The following SATB2 variants were observed in gnomAD, a reference collection of about 807,000 sequenced individuals.
SATB2 encodes the protein SATB homeobox 2.
In SATB2, 1 loss-of-function variant was observed where a neutral mutation model predicts 73.4. The ratio of observed to expected loss-of-function variants is 0.01; its 90% CI spans 0.00 to 0.06. The LOEUF is 0.06. SATB2 is among the 10% of genes least tolerant of loss of function. The pLI is 1.00. For missense variants in SATB2, 459 were observed against 945.8 expected (o/e 0.49, Z 6.75); for synonymous variants, 397 against 367.0 (o/e 1.08, Z -0.93).
chr2:199,379,677 CTTTTCTTTT>C (rs1689708710), intron 5 of SATB2, among the ~76,000 whole-genome samples: 1 of 96,460 alleles, frequency 1.0e-5, no homozygotes, highest in African/African-American at 3.4e-5. Flanking sequence ...ATTTTCTTTT[CTTTTCTTTT>C]TTTTTTTTTT....
At chr2:199,380,227 T>A (rs1258959993) in intron 5 of SATB2, 137 bp downstream of exon 5, 1 of 1,152,752 alleles carries the variant, frequency 8.7e-7, no homozygotes. Context: ...AGCAACATAA[T>A]CTTTTACACC....
intron 3 of SATB2, among the ~76,000 whole-genome samples, chr2:199,416,075 C>T (rs1055951685): frequency 6.6e-6 from 1 of 152,202 alleles, no homozygotes; most frequent in South Asian, 2.1e-4. Flanking sequence ...CTACTGGACC[C>T]AAGACTCAGC....
At chr2:199,276,373 GTTT>G (rs1222009074) in intron 10 of SATB2, among the ~76,000 whole-genome samples, 1 of 152,058 alleles carries the variant, frequency 6.6e-6, no homozygotes, top group East Asian at 1.9e-4. Flanking sequence ...GTTTTGTTTT[GTTT>G]TTTGTCTGAA....
chr2:199,373,978 C>T (rs933283383), intron 5 of SATB2, among the ~76,000 whole-genome samples: 2 of 152,204 alleles, frequency 1.3e-5, no homozygotes, highest in African/African-American at 4.8e-5. Flanking sequence ...ATATGATGAG[C>T]ACATGCTCAA....
At chr2:199,351,029 C>CA (rs35503848) in intron 6 of SATB2, among the ~76,000 whole-genome samples, 19,448 of 71,150 alleles carry the variant, frequency 0.27, 1,979 homozygotes, top group East Asian at 0.55. Flanking sequence ...ACTCTGTCTC[C>CA]AAAAAAAAAA....
chr2:199,461,004 A>G (rs1692462678), upstream of SATB2, among the ~76,000 whole-genome samples: 1 of 152,248 alleles, frequency 6.6e-6, no homozygotes, highest in Non-Finnish European at 1.5e-5. Flanking sequence ...CTGATACTGA[A>G]AAAAATCTAT....
intron 3 of SATB2, among the ~76,000 whole-genome samples, chr2:199,408,057 G>T (rs987939675): frequency 3.3e-5 from 5 of 152,114 alleles, no homozygotes; most frequent in African/African-American, 1.2e-4. Flanking sequence ...GACCTGACAG[G>T]GTAGTTCCAT....
At chr2:199,452,673 G>A (rs550017702) in intron 2 of SATB2, among the ~76,000 whole-genome samples, 1 of 152,188 alleles carries the variant, frequency 6.6e-6, no homozygotes, top group African/African-American at 2.4e-5. Context: ...GTAAGTGAAT[G>A]TTACCCAGCA....
chr2:199,422,924 A>T (rs1341705760), intron 3 of SATB2, among the ~76,000 whole-genome samples: 2 of 152,222 alleles, frequency 1.3e-5, no homozygotes, highest in Non-Finnish European at 2.9e-5. Flanking sequence ...AGCTAATTGT[A>T]ACAATGTTAC....
Position 199,464,433 on chromosome 2 carries a change from G to GCACACACACACA in SATB2, c.-141+391_-141+402dup, listed in dbSNP as rs148806110. On this transcript the variant is annotated intron_variant, in intron 1 of 11. Coordinates refer to the SATB2 transcript ENST00000260926. The surrounding 1 kb of genome is among the most constrained non-coding windows in gnomAD (Gnocchi z 6.6). ...CACCACCATTTCCACGCGCGCGCGC[G>GCACACACACACA]CACACACACACACACACACACAGAG... is the stretch of plus-strand genomic sequence containing the variant. Among the ~76,000 whole-genome samples, 754 of 149,454 alleles carry GCACACACACACA rather than the reference G, an allele frequency of 5.0e-3. 3 individuals are homozygous for GCACACACACACA. Among genetic ancestry groups the GCACACACACACA allele is most frequent in the African/African-American group, 0.018 (728 of 41,068 alleles).
intron 7 of SATB2, among the ~76,000 whole-genome samples, chr2:199,337,136 G>T (rs1268235875): frequency 6.6e-6 from 1 of 152,104 alleles, no homozygotes; most frequent in South Asian, 2.1e-4. Context: ...TTTGCTAAAC[G>T]TCTTCTCATA....
chr2:199,317,957 A>G (rs1687780344), intron 9 of SATB2, among the ~76,000 whole-genome samples: 1 of 151,966 alleles, frequency 6.6e-6, no homozygotes, highest in Non-Finnish European at 1.5e-5. Context: ...TTTGAATTTG[A>G]ATTTGGAACA....
rs1225919372 is a variant in SATB2 at position 199,382,716 on chromosome 2, C to T, written c.347-896G>A. On this transcript the variant is annotated intron_variant, in intron 3 of 10. Coordinates refer to ENST00000417098, the MANE Select transcript of SATB2 (RefSeq NM_001172509.2). ...ATTGATGAAGAAAAATAGAGAAACCCATTTCACATATGACACAGGGTAACA... is the reference window on the plus strand; with the variant it reads ...ATTGATGAAGAAAAATAGAGAAACCTATTTCACATATGACACAGGGTAACA... Among the ~76,000 whole-genome samples the T allele has an allele frequency of 6.6e-5, 10 of 152,168 alleles. No individual in the cohort carries two copies. The South Asian group carries it at 1.9e-3, about 28-fold the overall frequency.
At chr2:199,378,892 C>T (rs1005419095) in intron 5 of SATB2, among the ~76,000 whole-genome samples, 6 of 152,188 alleles carry the variant, frequency 3.9e-5, no homozygotes, top group African/African-American at 1.4e-4. Flanking sequence ...TCAACCAGGA[C>T]ATGAATCCAG....
At chr2:199,374,274 A>C (rs1277140709) in intron 5 of SATB2, among the ~76,000 whole-genome samples, 1 of 152,178 alleles carries the variant, frequency 6.6e-6, no homozygotes, top group African/African-American at 2.4e-5. Flanking sequence ...TGCTTCAAAA[A>C]CATGTCTACA....
At chr2:199,451,520 C>A (rs185411923) in intron 2 of SATB2, among the ~76,000 whole-genome samples, 217 of 150,918 alleles carry the variant, frequency 1.4e-3, no homozygotes, top group African/African-American at 5.0e-3. Flanking sequence ...GTACTTCCTA[C>A]AAATATTATG....
At chr2:199,449,130 G>C (rs1692051366) in intron 2 of SATB2, among the ~76,000 whole-genome samples, 1 of 151,846 alleles carries the variant, frequency 6.6e-6, no homozygotes, top group Non-Finnish European at 1.5e-5. Flanking sequence ...ACATCCACTT[G>C]TTTAAGTTAA....
At chr2:199,275,929 C>T (rs563728420) in intron 10 of SATB2, among the ~76,000 whole-genome samples, 101 of 152,218 alleles carry the variant, frequency 6.6e-4, no homozygotes, top group Middle Eastern at 6.8e-3. Flanking sequence ...CCCTTTCAAC[C>T]GCAATATACA....
chr2:199,297,321 T>A (rs1318528767), intron 10 of SATB2, among the ~76,000 whole-genome samples: 1 of 152,208 alleles, frequency 6.6e-6, no homozygotes, highest in Non-Finnish European at 1.5e-5. Context: ...CCTATATTCC[T>A]TCTACAATGA....
Sources: gnomAD v4.1 joint callset for allele counts (sites outside exome capture counted in the v4.1 genomes callset) on GRCh38, gnomAD v4.1.1 for gene constraint, Gnocchi (gnomAD v3.1) non-coding constraint, MANE v1.5 for transcripts, NCBI Gene and HGNC (gene_info 2026-07-23, HGNC 2026-07-21) for gene names.